Variants in JAKMIP1 observed in about 807,000 individuals in gnomAD.
The protein encoded by JAKMIP1 is janus kinase and microtubule-interacting protein 1.
JAKMIP1 carries 33 observed loss-of-function variants against 113.0 expected under a neutral mutation model. That is an observed-to-expected ratio of 0.29 (90% CI 0.22 to 0.39). The LOEUF is 0.39. Among genes scored for constraint, JAKMIP1 ranks in the 10% least tolerant of loss-of-function variants. The pLI is 1.00. For missense variants in JAKMIP1, 813 were observed against 1,080.5 expected (o/e 0.75, Z 3.47); for synonymous variants, 480 against 459.9 (o/e 1.04, Z -0.56).
intron 20 of JAKMIP1, among the ~76,000 whole-genome samples, chr4:6,029,430 G>A (rs1251107300): frequency 6.6e-6 from 1 of 152,198 alleles, no homozygotes; most frequent in Non-Finnish European, 1.5e-5. Context: ...CTCTTTCCTA[G>A]TGAGACAGCA....
chr4:6,038,223 A>G (rs1159308846), intron 18 of JAKMIP1, among the ~76,000 whole-genome samples: 1 of 149,126 alleles, frequency 6.7e-6, no homozygotes, highest in Non-Finnish European at 1.5e-5. Context: ...GCTAACCAGT[A>G]GCCCTCCATC....
chr4:6,096,067 C>T lies in JAKMIP1; in HGVS notation c.624+9406G>A, dbSNP rs193210358. ...GAGCTACTCAGTGAGAAAGAACCAG[C>T]GGTGCAAAGATCGGGGCTGGAGCGC... is the stretch of plus-strand genomic sequence containing the variant. On this transcript the variant is annotated intron_variant, in intron 3 of 20. Transcript: ENST00000409021. Among the ~76,000 whole-genome samples, 18 of 152,276 alleles carry T rather than the reference C, an allele frequency of 1.2e-4. No individual in the cohort carries two copies. The East Asian group carries it at 3.1e-3, about 26-fold the overall frequency.
Position 6,065,094 on chromosome 4 carries a change from G to A in JAKMIP1, c.1303-86C>T. On this transcript the variant is annotated intron_variant, in intron 8 of 20. Transcript: ENST00000409021. This position sits in a 1 kb window ranked among gnomAD's most constrained non-coding sequence, Gnocchi z 5.1. ...CCTGGTCGTGGGCATGCCAGTGCAGGGGGGTGATGATTGACATTTGGGCCA... is the reference window on the plus strand; with the variant it reads ...CCTGGTCGTGGGCATGCCAGTGCAGAGGGGTGATGATTGACATTTGGGCCA... 3 of 1,538,120 alleles carry A rather than the reference G, an allele frequency of 2.0e-6. No homozygotes were observed. The highest frequency in any genetic ancestry group is 2.7e-6 in the Non-Finnish European group (3 of 1,120,664).
rs557350431 is a variant in JAKMIP1 at position 6,105,992 on chromosome 4, CGGTCAG to C, written c.130-31_130-26del. On this transcript the variant is annotated intron_variant, in intron 2 of 20. Coordinates refer to ENST00000409021, the MANE Select transcript of JAKMIP1 (RefSeq NM_001099433.2). The stretch of plus-strand genomic sequence containing the variant: ...CCTGCAGCCAGAGCGGCGAGAGAGC[CGGTCAG>C]GGTCAGGGTCAGGGTCAGGGTCAGG... 3,645 of 1,502,728 alleles carry C rather than the reference CGGTCAG, an allele frequency of 2.4e-3. 6 individuals carry two copies. Among genetic ancestry groups the C allele is most frequent in the East Asian group, 5.2e-3 (230 of 44,140 alleles). The allele number at this position is 1,502,728 out of a possible 1,614,324, so 93.1% of individuals were successfully genotyped here.
chr4:6,126,636 A>G (rs1409070457), intron 1 of JAKMIP1, among the ~76,000 whole-genome samples: 3 of 150,478 alleles, frequency 2.0e-5, no homozygotes. Flanking sequence ...ACACAAACAC[A>G]CACCATGCAG....
intron 1 of JAKMIP1, among the ~76,000 whole-genome samples, chr4:6,149,649 T>C (rs1341463393): frequency 6.7e-6 from 1 of 149,840 alleles, no homozygotes; most frequent in East Asian, 1.9e-4. Context: ...AATATTTATA[T>C]TGGCTCATAA....
At chr4:6,117,182 T>G (rs1043157601) in intron 1 of JAKMIP1, among the ~76,000 whole-genome samples, 8 of 152,188 alleles carry the variant, frequency 5.3e-5, no homozygotes, top group African/African-American at 1.9e-4. Context: ...CGGATTTCCA[T>G]TTCACTGAAG....
At chr4:6,101,268 GGT>G (rs377707689) in intron 3 of JAKMIP1, among the ~76,000 whole-genome samples, 4 of 150,776 alleles carry the variant, frequency 2.7e-5, no homozygotes, top group South Asian at 2.1e-4. Context: ...GAGTGTGTGT[GGT>G]GTGTGTGTGT....
rs963022209 is a variant in JAKMIP1 at position 6,069,610 on chromosome 4, G to A, written c.1303-4602C>T. Among the ~76,000 whole-genome samples, 3 of 152,102 alleles carry A rather than the reference G, an allele frequency of 2.0e-5. No homozygotes were observed. The highest frequency in any genetic ancestry group is 4.4e-5 in the Non-Finnish European group (3 of 68,018). On this transcript the variant is annotated intron_variant, in intron 8 of 20. Coordinates refer to ENST00000409021, the MANE Select transcript of JAKMIP1 (RefSeq NM_001099433.2). The surrounding 1 kb of genome is among the most constrained non-coding windows in gnomAD (Gnocchi z 4.5). ...CAAAAAGTTATTTAAAAAGTTAGCC[G>A]AGTATGGTGGCTGACGCCTGTAGTC...
rs565079460 is a variant in JAKMIP1, at chr4:6,185,915, T to G, written c.-148+14338A>C. 2.6e-5 allele frequency among the ~76,000 whole-genome samples: 4 copies of G among 152,360 alleles called. No homozygotes were observed. The highest frequency in any genetic ancestry group is 9.6e-5 in the African/African-American group (4 of 41,596). ...CTACATTGAGAAAATATTTATAGAC[T>G]ACAATTAAATATGACACTAGTTCAG... On this transcript the variant is annotated intron_variant, in intron 1 of 20. Coordinates refer to ENST00000409021, the MANE Select transcript of JAKMIP1 (RefSeq NM_001099433.2). This position sits in a 1 kb window ranked among gnomAD's most constrained non-coding sequence, Gnocchi z 5.3.
In JAKMIP1 at chr4:6,042,691, C is replaced by T. The variant is rs58093748; in HGVS notation, c.2029-464G>A. 2.9e-3 allele frequency among the ~76,000 whole-genome samples: 437 copies of T among 152,114 alleles called. 1 individual carries two copies. Among genetic ancestry groups the T allele is most frequent in the African/African-American group, 9.9e-3 (411 of 41,496 alleles). On this transcript the variant is annotated intron_variant, in intron 16 of 20. Coordinates refer to ENST00000409021, the MANE Select transcript of JAKMIP1 (RefSeq NM_001099433.2). This position sits in a 1 kb window ranked among gnomAD's most constrained non-coding sequence, Gnocchi z 5.2. ...GTTAAGTAACTTGTCCAAGGTCACACGGGTGCAGAATGGAGATTTGGAACC... is the reference window on the plus strand; with the variant it reads ...GTTAAGTAACTTGTCCAAGGTCACATGGGTGCAGAATGGAGATTTGGAACC...
At chr4:6,070,225 C>T in intron 8 of JAKMIP1, 1 of 397,806 alleles carries the variant, frequency 2.5e-6, no homozygotes, top group African/African-American at 2.1e-5. Flanking sequence ...GCCACCTCGT[C>T]GGCATCCATT....
chr4:6,052,940 A>G (rs1309246757), intron 13 of JAKMIP1, among the ~76,000 whole-genome samples: 1 of 152,208 alleles, frequency 6.6e-6, no homozygotes, highest in Non-Finnish European at 1.5e-5. Context: ...TGCCCACACG[A>G]CAAGGTACAC....
chr4:6,046,144 GCTGTCAGTCCCAGGCAAAGCAGA>G (rs1340539072), intron 16 of JAKMIP1, among the ~76,000 whole-genome samples: 18 of 152,304 alleles, frequency 1.2e-4, no homozygotes, highest in Non-Finnish European at 2.4e-4. Context: ...TCCCAGGAAA[GCTGTCAGTCCCAGGCAAAGCAGA>G]CTGTCAGTCC....
Position 6,197,997 on chromosome 4 carries a change from CAT to C in JAKMIP1, c.-148+2254_-148+2255del. ...CCGCCTGTCCCCATCTCTCCCTGCA[CAT>C]GACTCTCTGACAGCACGGGCAGTGT... On this transcript the variant is annotated intron_variant, in intron 1 of 20. Coordinates refer to ENST00000409021, the MANE Select transcript of JAKMIP1 (RefSeq NM_001099433.2). The surrounding 1 kb of genome is among the most constrained non-coding windows in gnomAD (Gnocchi z 6.5). Among the ~76,000 whole-genome samples, 2 of 152,332 alleles carry C rather than the reference CAT, an allele frequency of 1.3e-5. No homozygotes were observed. Among genetic ancestry groups the C allele is most frequent in the East Asian group, 3.9e-4 (2 of 5,180 alleles).
chr4:6,092,197 A>ACACT (rs1481183364), intron 3 of JAKMIP1, among the ~76,000 whole-genome samples: 4 of 151,900 alleles, frequency 2.6e-5, no homozygotes, highest in Non-Finnish European at 5.9e-5. Flanking sequence ...CCTGAAGAGC[A>ACACT]CACTCCAGGT....
intron 19 of JAKMIP1, 75 bp from the exon 20 acceptor site, chr4:6,029,856 T>C: frequency 9.6e-7 from 1 of 1,045,782 alleles, no homozygotes. Context: ...TTTTTTATTG[T>C]GGTCTAGCAC....
At chr4:6,098,128 G>C (rs933920855) in intron 3 of JAKMIP1, among the ~76,000 whole-genome samples, 5 of 152,116 alleles carry the variant, frequency 3.3e-5, no homozygotes, top group African/African-American at 9.7e-5. Context: ...CTACCACCCA[G>C]GTCAGAAAAG....
At position 6,193,646 on chromosome 4, in the gene JAKMIP1, G is replaced by A. The variant is rs1011951249; in HGVS notation, c.-148+6607C>T. Reference sequence around the variant, plus strand: ...GCTCCCGCATCGTCCCTCCTGCCTCGGGGTGCTCCCATGCTCTTGCTTGGA... The same window carrying A: ...GCTCCCGCATCGTCCCTCCTGCCTCAGGGTGCTCCCATGCTCTTGCTTGGA... On this transcript the variant is annotated intron_variant, in intron 1 of 20. Coordinates refer to ENST00000409021, the MANE Select transcript of JAKMIP1 (RefSeq NM_001099433.2). This position sits in a 1 kb window ranked among gnomAD's most constrained non-coding sequence, Gnocchi z 6.4. Among the ~76,000 whole-genome samples the A allele has an allele frequency of 8.5e-5, 13 of 152,150 alleles. No individual in the cohort carries two copies. Among genetic ancestry groups the A allele is most frequent in the African/African-American group, 2.9e-4 (12 of 41,434 alleles).
Sources: gnomAD v4.1 joint callset for allele counts (sites outside exome capture counted in the v4.1 genomes callset) on GRCh38, gnomAD v4.1.1 for gene constraint, Gnocchi (gnomAD v3.1) non-coding constraint, MANE v1.5 for transcripts, NCBI Gene and HGNC (gene_info 2026-07-23, HGNC 2026-07-21) for gene names.